The following TBL1X variants were observed in gnomAD, a reference collection of about 807,000 sequenced individuals.
The protein encoded by TBL1X is F-box-like/WD repeat-containing protein TBL1X.
A neutral mutation model predicts 50.7 loss-of-function variants in TBL1X; 10 were observed. The observed-to-expected ratio is 0.20, with a 90% CI of 0.12 to 0.33. TBL1X has a LOEUF of 0.33. Among genes scored for constraint, TBL1X ranks in the 10% least tolerant of loss-of-function variants. TBL1X has a pLI of 1.00. For missense variants in TBL1X, 340 were observed against 504.4 expected (o/e 0.67, Z 3.12); for synonymous variants, 190 against 214.7 (o/e 0.88, Z 1.01).
At chrX:9,604,944 G>A (rs1262082960) in intron 2 of TBL1X, among the ~76,000 whole-genome samples, 1 of 110,930 alleles carries the variant, frequency 9.0e-6, no homozygotes, top group Non-Finnish European at 1.9e-5. Flanking sequence ...GCTTGGGCGC[G>A]AACTGAAACA....
intron 5 of TBL1X, 106 bp from the exon 6 acceptor site, chrX:9,683,937 A>C: frequency 8.9e-7 from 1 of 1,129,292 alleles, no homozygotes; most frequent in South Asian, 1.8e-5. Flanking sequence ...TGTCCCTGCA[A>C]ATTAAGTGTG....
At chrX:9,529,030 T>TA (rs911342502) in intron 2 of TBL1X, among the ~76,000 whole-genome samples, 10 of 109,456 alleles carry the variant, frequency 9.1e-5, no homozygotes, top group African/African-American at 2.7e-4. Flanking sequence ...AGTTTTCTGA[T>TA]TTTTTTTTTC....
Position 9,465,123 on chromosome X carries a change from C to CCCGCTG in TBL1X, c.-520_-515dup, listed in dbSNP as rs1197848478. ...AGTCCCTCCCGCTGTCCCGCCCTCT[C>CCCGCTG]CCGCTGCCGCCGCCGCCGCCGCCGC... On this transcript the variant is annotated 5_prime_UTR_variant, in exon 1 of 18. Coordinates refer to ENST00000645353, the MANE Select transcript of TBL1X (RefSeq NM_005647.4). The CCCGCTG allele has an allele frequency of 1.8e-5, 2 of 112,953 alleles. No individual in the cohort carries two copies. Among genetic ancestry groups the CCCGCTG allele is most frequent in the African/African-American group, 3.3e-5 (1 of 30,389 alleles). The allele number at this position is 112,953 out of a possible 1,213,427, so 9.3% of individuals were successfully genotyped here.
intron 2 of TBL1X, among the ~76,000 whole-genome samples, chrX:9,616,253 A>G (rs182667517): frequency 8.9e-6 from 1 of 112,366 alleles, no homozygotes; most frequent in East Asian, 2.8e-4. Context: ...ATATTTTTAA[A>G]TGGTATTATA....
intron 2 of TBL1X, among the ~76,000 whole-genome samples, chrX:9,621,341 A>G (rs1354018431): frequency 3.6e-5 from 4 of 112,200 alleles, no homozygotes; most frequent in Non-Finnish European, 5.6e-5. Context: ...AAAATCATTT[A>G]ACACCTCCTT....
intron 12 of TBL1X, among the ~76,000 whole-genome samples, chrX:9,704,193 C>T (rs2083192959): frequency 8.9e-6 from 1 of 112,139 alleles, no homozygotes; most frequent in Non-Finnish European, 1.9e-5. Context: ...TCCGTTTCAT[C>T]CCAAAGGGGT....
chrX:9,545,420 C>T (rs1317922802), intron 2 of TBL1X, among the ~76,000 whole-genome samples: 2 of 108,940 alleles, frequency 1.8e-5, no homozygotes, highest in Non-Finnish European at 3.8e-5. Context: ...TGGTGGTGCA[C>T]ATCTGTAGTC....
chrX:9,612,348 C>G lies in TBL1X; in HGVS notation c.-130-27925C>G, dbSNP rs376052425. On this transcript the variant is annotated intron_variant, in intron 2 of 17. Transcript: ENST00000645353. ...CCACAAATTGTAGAGCCTGCGGGCA[C>G]TGTGGAAGCCAGCTAGATTTGCTCT... Among the ~76,000 whole-genome samples, 44 of 111,397 alleles carry G rather than the reference C, an allele frequency of 3.9e-4. No homozygotes were observed. The South Asian group carries it at 0.016, about 41-fold the overall frequency.
intron 6 of TBL1X, among the ~76,000 whole-genome samples, chrX:9,685,712 CTTTTCT>C (rs1231821480): frequency 2.0e-4 from 13 of 64,213 alleles, no homozygotes; most frequent in African/African-American, 7.5e-4. Context: ...TTTTTCTTTT[CTTTTCT>C]TTTTTTTTTT....
chrX:9,610,972 AT>A (rs1227537623), intron 2 of TBL1X, among the ~76,000 whole-genome samples: 19 of 111,874 alleles, frequency 1.7e-4, no homozygotes, highest in Middle Eastern at 9.2e-3. Flanking sequence ...TTCCTGCCAA[AT>A]TCAATAGACT....
At chrX:9,658,566 C>T (rs7886093) in intron 5 of TBL1X, among the ~76,000 whole-genome samples, 2 of 111,435 alleles carry the variant, frequency 1.8e-5, no homozygotes, top group African/African-American at 3.3e-5. Context: ...AAGTGAGTCC[C>T]TGTAAACATA....
intron 2 of TBL1X, among the ~76,000 whole-genome samples, chrX:9,532,022 C>T (rs2082164657): frequency 1.8e-5 from 2 of 111,757 alleles, no homozygotes; most frequent in Non-Finnish European, 3.8e-5. Flanking sequence ...AGGTGTGAGC[C>T]ACCACACTGG....
chrX:9,524,682 C>T (rs974610129), intron 2 of TBL1X, among the ~76,000 whole-genome samples: 14 of 112,511 alleles, frequency 1.2e-4, no homozygotes, highest in African/African-American at 4.2e-4. Context: ...CTGCTACAAA[C>T]TTGCCTGCAC....
intron 12 of TBL1X, among the ~76,000 whole-genome samples, chrX:9,702,260 AC>A (rs2083178447): frequency 9.3e-6 from 1 of 107,577 alleles, no homozygotes. Context: ...ACACACCAAA[AC>A]CCCATCTCTG....
At chrX:9,672,123 G>A (rs1358318016) in intron 5 of TBL1X, among the ~76,000 whole-genome samples, 2 of 112,254 alleles carry the variant, frequency 1.8e-5, no homozygotes, top group Non-Finnish European at 3.8e-5. Context: ...ATTCTCCATT[G>A]GTATTGACAC....
At chrX:9,554,013 C>T (rs369323671) in intron 2 of TBL1X, among the ~76,000 whole-genome samples, 30 of 111,018 alleles carry the variant, frequency 2.7e-4, no homozygotes, top group East Asian at 2.3e-3. Flanking sequence ...CCTGAGTAGC[C>T]GTGACTACAG....
chrX:9,680,391 T>A (rs2083018673), intron 5 of TBL1X, among the ~76,000 whole-genome samples: 1 of 112,082 alleles, frequency 8.9e-6, no homozygotes, highest in Non-Finnish European at 1.9e-5. Context: ...CTCCATCAAA[T>A]GTGTTGGGGG....
chrX:9,508,264 C>G (rs977189370), intron 2 of TBL1X, among the ~76,000 whole-genome samples: 1 of 112,241 alleles, frequency 8.9e-6, no homozygotes, highest in Admixed American at 9.4e-5. Flanking sequence ...ACAACCCCAT[C>G]AAAAAGTGGG....
chrX:9,522,110 T>C (rs193031737), intron 2 of TBL1X, among the ~76,000 whole-genome samples: 17 of 107,854 alleles, frequency 1.6e-4, no homozygotes, highest in Non-Finnish European at 1.9e-5. Flanking sequence ...CTTGACCTCT[T>C]GGGCTCAAGC....
Sources: gnomAD v4.1 joint callset for allele counts (sites outside exome capture counted in the v4.1 genomes callset) on GRCh38, gnomAD v4.1.1 for gene constraint, MANE v1.5 for transcripts, NCBI Gene and HGNC (gene_info 2026-07-23, HGNC 2026-07-21) for gene names.